Variants in MCTP1 observed in about 807,000 individuals in gnomAD.
MCTP1 encodes multiple C2 and transmembrane domain containing 1.
MCTP1 carries 69 observed loss-of-function variants against 120.6 expected under a neutral mutation model. The ratio of observed to expected loss-of-function variants is 0.57; its 90% CI spans 0.47 to 0.70. The LOEUF is 0.70. Ranked by LOEUF, MCTP1 falls within the 30% of genes least tolerant of loss-of-function variation. The pLI is 0.00. For synonymous variants in MCTP1, 529 were observed against 493.1 expected (o/e 1.07, Z -0.96); for missense variants, 1,203 against 1,248.8 (o/e 0.96, Z 0.55).
chr5:94,998,266 T>C (rs951432978), intron 2 of MCTP1, among the ~76,000 whole-genome samples: 7 of 152,288 alleles, frequency 4.6e-5, no homozygotes, highest in African/African-American at 1.4e-4. Flanking sequence ...CTATTTATTG[T>C]TTTACCTTGT....
At chr5:95,188,390 C>T (rs1346808271) in intron 1 of MCTP1, among the ~76,000 whole-genome samples, 2 of 152,190 alleles carry the variant, frequency 1.3e-5, no homozygotes, top group African/African-American at 4.8e-5. Context: ...TATGACCCAG[C>T]AATTGTGCTC....
chr5:95,071,954 T>A (rs1752266541), intron 1 of MCTP1, among the ~76,000 whole-genome samples: 1 of 152,222 alleles, frequency 6.6e-6, no homozygotes, highest in African/African-American at 2.4e-5. Flanking sequence ...AAAGTCCATC[T>A]AGAGGAATTT....
intron 19 of MCTP1, among the ~76,000 whole-genome samples, chr5:94,757,889 G>A (rs768232225): frequency 2.0e-5 from 3 of 152,192 alleles, no homozygotes; most frequent in Admixed American, 1.3e-4. Context: ...ACAACAACAT[G>A]AGTGCACAGG....
chr5:94,724,571 G>A (rs573398587), intron 19 of MCTP1, among the ~76,000 whole-genome samples: 24 of 152,126 alleles, frequency 1.6e-4, no homozygotes, highest in Non-Finnish European at 2.9e-4. Context: ...TAACTGTCCT[G>A]CAAATATAGT....
intron 1 of MCTP1, among the ~76,000 whole-genome samples, chr5:95,070,928 T>C (rs1271396120): frequency 6.6e-6 from 1 of 151,930 alleles, no homozygotes; most frequent in Non-Finnish European, 1.5e-5. Context: ...CATCTCTCAG[T>C]GGGGAGGTGG....
At chr5:94,891,676 G>T (rs768498942) in intron 11 of MCTP1, among the ~76,000 whole-genome samples, 3 of 151,738 alleles carry the variant, frequency 2.0e-5, no homozygotes, top group Admixed American at 6.6e-5. Context: ...CCCCAAGTCA[G>T]CTGACACTCC....
intron 1 of MCTP1, among the ~76,000 whole-genome samples, chr5:95,205,977 A>G (rs1429160428): frequency 2.0e-5 from 3 of 151,096 alleles, no homozygotes; most frequent in African/African-American, 7.4e-5. Context: ...ATAGTCTGGA[A>G]GTTCCTTGAA....
chr5:95,151,356 A>T (rs75051869), intron 1 of MCTP1, among the ~76,000 whole-genome samples: 3,808 of 152,036 alleles, frequency 0.025, 167 homozygotes, highest in African/African-American at 0.087. Context: ...GGATCATCCT[A>T]AAGGTTTTCA....
At chr5:95,141,585 G>A (rs1166353577) in intron 1 of MCTP1, among the ~76,000 whole-genome samples, 1 of 152,184 alleles carries the variant, frequency 6.6e-6, no homozygotes, top group South Asian at 2.1e-4. Context: ...TGATACCGAA[G>A]TGTCAAAAGA....
chr5:95,260,270 T>C (rs758709407), intron 1 of MCTP1, among the ~76,000 whole-genome samples: 12 of 152,196 alleles, frequency 7.9e-5, no homozygotes, highest in Non-Finnish European at 1.5e-4. Context: ...GTGAGCCCCT[T>C]GAGGCGCTCA....
chr5:94,957,057 C>A (rs893360151), intron 2 of MCTP1, among the ~76,000 whole-genome samples: 3 of 152,348 alleles, frequency 2.0e-5, no homozygotes, highest in Admixed American at 6.5e-5. Context: ...ATCAGACTAA[C>A]AGCAGATCTC....
Position 94,967,706 on chromosome 5 carries a change from C to T in MCTP1, c.839-14345G>A, listed in dbSNP as rs79757880. On this transcript the variant is annotated intron_variant, in intron 2 of 22. Transcript: ENST00000515393. ...GGCTGCTTGTTAGGATCTCCAAAAACGTATTATGATGGCGCAATATTTTAT... is the reference window on the plus strand; with the variant it reads ...GGCTGCTTGTTAGGATCTCCAAAAATGTATTATGATGGCGCAATATTTTAT... Among the ~76,000 whole-genome samples the T allele has an allele frequency of 1.9e-3, 292 of 152,278 alleles. 3 individuals are homozygous for T. The East Asian group carries it at 0.053, about 28-fold the overall frequency.
intron 2 of MCTP1, among the ~76,000 whole-genome samples, chr5:94,955,672 T>C (rs1822415558): frequency 6.6e-6 from 1 of 152,202 alleles, no homozygotes; most frequent in African/African-American, 2.4e-5. Flanking sequence ...GGGCAGAGCC[T>C]ACTGCAGCTC....
At position 94,734,598 on chromosome 5, in the gene MCTP1, T is replaced by C. The variant is rs542308375; in HGVS notation, c.2611-19712A>G. On this transcript the variant is annotated intron_variant, in intron 19 of 22. Transcript: ENST00000515393. ...TCAGCCTCCCAAGTAGCTGGGACTA[T>C]AGGCTGTGCCACTACACCTGGCGAA... Among the ~76,000 whole-genome samples the C allele has an allele frequency of 5.3e-4, 80 of 152,224 alleles. 1 individual carries two copies. In the South Asian group the frequency reaches 0.016, roughly 31 times the overall value.
intron 1 of MCTP1, among the ~76,000 whole-genome samples, chr5:95,201,463 GGTTTTTTTTTTTTTTTTTTTTTTTTT>G (rs1751018410): frequency 8.3e-6 from 1 of 120,682 alleles, no homozygotes; most frequent in Non-Finnish European, 1.8e-5. Flanking sequence ...AAGGAAAAGT[GGTTTTTTTTTTTTTTTTTTTTTTTTT>G]TTTTTTTTTT....
chr5:94,914,686 A>G (rs1010835770), intron 8 of MCTP1, among the ~76,000 whole-genome samples: 1 of 152,196 alleles, frequency 6.6e-6, no homozygotes, highest in Non-Finnish European at 1.5e-5. Context: ...AGTGTAATGG[A>G]GAATTCATGG....
intron 2 of MCTP1, among the ~76,000 whole-genome samples, chr5:94,954,138 A>G (rs1181355631): frequency 0.033 from 1,072 of 32,902 alleles, 219 homozygotes; most frequent in African/African-American, 0.17. Context: ...ATATATATGC[A>G]TATATATACA....
At chr5:95,101,716 G>C (rs1204736183) in intron 1 of MCTP1, among the ~76,000 whole-genome samples, 9 of 152,256 alleles carry the variant, frequency 5.9e-5, no homozygotes, top group Non-Finnish European at 1.5e-5. Context: ...TCTTTCTGCA[G>C]TTTCCAGGGT....
chr5:94,999,465 T>G (rs1028786108), intron 2 of MCTP1, among the ~76,000 whole-genome samples: 1 of 152,318 alleles, frequency 6.6e-6, no homozygotes, highest in South Asian at 2.1e-4. Context: ...GCAAAGTCTA[T>G]GCACATGATG....
Sources: gnomAD v4.1 joint callset for allele counts (sites outside exome capture counted in the v4.1 genomes callset) on GRCh38, gnomAD v4.1.1 for gene constraint, MANE v1.5 for transcripts, NCBI Gene and HGNC (gene_info 2026-07-23, HGNC 2026-07-21) for gene names.